Variants in TWSG1 observed in about 807,000 individuals in gnomAD.
TWSG1 encodes the protein twisted gastrulation BMP signaling modulator 1.
Under a neutral mutation model 23.0 loss-of-function variants are expected in TWSG1, and 15 were observed. The ratio of observed to expected loss-of-function variants is 0.65; its 90% CI spans 0.44 to 1.00. The LOEUF (loss-of-function observed/expected upper bound fraction) is 1.00, where lower values mean the gene tolerates loss of function less well. TWSG1 is among the 50% of genes least tolerant of loss of function. TWSG1 has a pLI of 0.00. For synonymous variants in TWSG1, 86 were observed against 92.8 expected (o/e 0.93, Z 0.42); for missense variants, 242 against 278.7 (o/e 0.87, Z 0.94).
intron 1 of TWSG1, among the ~76,000 whole-genome samples, chr18:9,336,067 A>C (rs899514410): frequency 1.3e-5 from 2 of 152,114 alleles, no homozygotes; most frequent in African/African-American, 2.4e-5. Context: ...CTTCTTAATA[A>C]CTTTGAAGAA....
chr18:9,341,793 GTTTAT>G (rs1165487865), intron 2 of TWSG1, among the ~76,000 whole-genome samples: 7 of 150,136 alleles, frequency 4.7e-5, no homozygotes, highest in Admixed American at 3.3e-4. Context: ...TCCTTTTAAA[GTTTAT>G]TTTATTTTAT....
chr18:9,368,913 A>C (rs993823108), intron 3 of TWSG1, among the ~76,000 whole-genome samples: 2 of 151,812 alleles, frequency 1.3e-5, no homozygotes, highest in Non-Finnish European at 2.9e-5. Flanking sequence ...ATGCAACTGC[A>C]CTCCAGCCTG....
intron 3 of TWSG1, among the ~76,000 whole-genome samples, chr18:9,389,205 ACCTCAGGTGATGTGCCCG>A (rs752476643): frequency 3.3e-5 from 5 of 151,314 alleles, no homozygotes; most frequent in African/African-American, 7.3e-5. Flanking sequence ...CGAACTCCTG[ACCTCAGGTGATGTGCCCG>A]CCTCAGCCTC....
chr18:9,345,945 T>C (rs1568031315), intron 2 of TWSG1, among the ~76,000 whole-genome samples: 1 of 152,222 alleles, frequency 6.6e-6, no homozygotes, highest in Non-Finnish European at 1.5e-5. Context: ...TGCATCTGTG[T>C]GGTATACTTG....
At chr18:9,359,877 G>C (rs2040544249) in intron 2 of TWSG1, 95 bp from the exon 3 acceptor site, 3 of 854,440 alleles carry the variant, frequency 3.5e-6, no homozygotes, top group Non-Finnish European at 5.6e-6. Context: ...ATACATTACT[G>C]TAAATGCAAA....
intron 3 of TWSG1, among the ~76,000 whole-genome samples, chr18:9,383,500 C>T (rs1343659524): frequency 6.6e-6 from 1 of 152,138 alleles, no homozygotes; most frequent in Non-Finnish European, 1.5e-5. Context: ...CCTTGAATTA[C>T]ACTTTTAAAT....
intron 2 of TWSG1, among the ~76,000 whole-genome samples, chr18:9,353,376 A>C (rs1269503757): frequency 1.3e-5 from 2 of 152,188 alleles, no homozygotes; most frequent in African/African-American, 4.8e-5. Context: ...AATGTAGTAA[A>C]ATACATTTTG....
intron 3 of TWSG1, among the ~76,000 whole-genome samples, chr18:9,376,776 G>A (rs1344848474): frequency 6.7e-6 from 1 of 149,380 alleles, no homozygotes; most frequent in Admixed American, 6.7e-5. Flanking sequence ...AGGTTGCAGT[G>A]AGCTGAGATT....
intron 3 of TWSG1, among the ~76,000 whole-genome samples, chr18:9,378,983 CCAGT>C (rs2040643809): frequency 6.6e-6 from 1 of 152,098 alleles, no homozygotes; most frequent in Non-Finnish European, 1.5e-5. Flanking sequence ...CTATCTCACA[CCAGT>C]CAGAGTGGCT....
At position 9,347,386 on chromosome 18, in the gene TWSG1, A is replaced by G. The variant is rs141395454; in HGVS notation, c.123+10034A>G. Among the ~76,000 whole-genome samples the G allele has an allele frequency of 1.7e-4, 26 of 152,268 alleles. No homozygotes were observed. The East Asian group carries it at 4.6e-3, about 27-fold the overall frequency. On this transcript the variant is annotated intron_variant, in intron 2 of 4. Coordinates refer to ENST00000262120, the MANE Select transcript of TWSG1 (RefSeq NM_020648.6). ...TGTGGCTTTGGTATTGCCAGCTAAG[A>G]TTTAATAGGGATTGCATTGAATCTG...
At chr18:9,341,381 T>C (rs1486221865) in intron 2 of TWSG1, among the ~76,000 whole-genome samples, 3 of 152,230 alleles carry the variant, frequency 2.0e-5, no homozygotes, top group African/African-American at 7.2e-5. Context: ...ATTATTAAAT[T>C]ATTAGAAGGC....
At chr18:9,370,629 A>T (rs1476196048) in intron 3 of TWSG1, among the ~76,000 whole-genome samples, 1 of 152,316 alleles carries the variant, frequency 6.6e-6, no homozygotes, top group East Asian at 1.9e-4. Flanking sequence ...TTTAAAGCTG[A>T]TGCATTGATT....
intron 2 of TWSG1, among the ~76,000 whole-genome samples, chr18:9,347,177 CT>C (rs1220215995): frequency 6.6e-6 from 1 of 152,084 alleles, no homozygotes; most frequent in Non-Finnish European, 1.5e-5. Flanking sequence ...GGGTTGTTTA[CT>C]TTTTTTATTG....
chr18:9,337,409 T>G, intron 2 of TWSG1, 57 bp downstream of exon 2: 1 of 1,577,864 alleles, frequency 6.3e-7, no homozygotes, highest in Non-Finnish European at 8.6e-7. Context: ...AGAAACATTA[T>G]GTTTATATAC....
chr18:9,335,092 G>A (rs930679045), intron 1 of TWSG1, among the ~76,000 whole-genome samples, 172 bp downstream of exon 1: 1 of 152,108 alleles, frequency 6.6e-6, no homozygotes, highest in Non-Finnish European at 1.5e-5. Flanking sequence ...GGGCGCGGGC[G>A]CACAGGCCGG....
intron 3 of TWSG1, among the ~76,000 whole-genome samples, chr18:9,374,237 C>T (rs745735576): frequency 2.6e-5 from 4 of 151,598 alleles, no homozygotes; most frequent in South Asian, 2.1e-4. Flanking sequence ...CAATAATCAA[C>T]GAAATCAAAA....
intron 2 of TWSG1, among the ~76,000 whole-genome samples, chr18:9,349,159 G>A (rs540585496): frequency 9.5e-4 from 144 of 152,170 alleles, no homozygotes; most frequent in African/African-American, 3.3e-3. Flanking sequence ...AAAAAATTTG[G>A]TAATATGGGA....
At chr18:9,367,518 A>G (rs1315349324) in intron 3 of TWSG1, among the ~76,000 whole-genome samples, 1 of 152,036 alleles carries the variant, frequency 6.6e-6, no homozygotes, top group Non-Finnish European at 1.5e-5. Flanking sequence ...AGGGTCCCCA[A>G]CCCCTGAGCC....
At chr18:9,337,001 G>GA (rs2040426139) in intron 1 of TWSG1, among the ~76,000 whole-genome samples, 192 bp from the exon 2 acceptor site, 1 of 152,272 alleles carries the variant, frequency 6.6e-6, no homozygotes. Context: ...TTGAACCCAG[G>GA]AATTGAAGGC....
Sources: allele counts gnomAD v4.1 joint callset (sites outside exome capture counted in the v4.1 genomes callset), GRCh38; gene constraint gnomAD v4.1.1; transcripts MANE v1.5; gene names NCBI Gene and HGNC (gene_info 2026-07-23, HGNC 2026-07-21).